The following ZC3H12B variants were observed in gnomAD, a reference collection of about 807,000 sequenced individuals.
ZC3H12B encodes the protein zinc finger CCCH-type containing 12B.
In ZC3H12B, 7 loss-of-function variants were observed where a neutral mutation model predicts 43.9. That is an observed-to-expected ratio of 0.16 (90% confidence interval 0.09 to 0.30). ZC3H12B has a LOEUF of 0.30. Ranked by LOEUF, ZC3H12B falls within the 10% of genes least tolerant of loss-of-function variation. ZC3H12B has a pLI of 1.00. For synonymous variants in ZC3H12B, 222 were observed against 241.7 expected (o/e 0.92, Z 0.76); for missense variants, 475 against 670.2 (o/e 0.71, Z 3.22).
chrX:65,053,757 C>T, the ZC3H12B span, among the ~76,000 whole-genome samples: 1 of 111,433 alleles, frequency 9.0e-6, no homozygotes, highest in Non-Finnish European at 1.9e-5. Flanking sequence ...CTCCACATCC[C>T]CTCCAGCACC....
upstream of ZC3H12B, among the ~76,000 whole-genome samples, chrX:65,487,539 T>TAA (rs200155661): frequency 1.9e-5 from 2 of 106,058 alleles, no homozygotes; most frequent in African/African-American, 7.7e-5. Context: ...GACTCTGTCT[T>TAA]AAAAAAACAA....
At chrX:65,468,537 G>A (rs1256662484) in intron 3 of ZC3H12B, among the ~76,000 whole-genome samples, 1 of 100,463 alleles carries the variant, frequency 1.0e-5, no homozygotes, top group African/African-American at 3.7e-5. Flanking sequence ...AGGCTGGAGT[G>A]CAGTGGCACC....
intron 3 of ZC3H12B, among the ~76,000 whole-genome samples, chrX:65,416,682 C>A (rs1037118204): frequency 2.8e-5 from 3 of 106,719 alleles, no homozygotes; most frequent in Non-Finnish European, 3.9e-5. Flanking sequence ...TCCAGCTACT[C>A]GGGAGGCTGA....
chrX:65,212,454 A>G, the ZC3H12B span, among the ~76,000 whole-genome samples: 1 of 59,111 alleles, frequency 1.7e-5, no homozygotes, highest in Non-Finnish European at 2.5e-5. Context: ...TATATATTAT[A>G]TAATATGTAA....
At chrX:65,058,870 C>T in the ZC3H12B span, among the ~76,000 whole-genome samples, 139 of 112,287 alleles carry the variant, frequency 1.2e-3, 1 homozygote, top group Middle Eastern at 9.3e-3. Flanking sequence ...TGTGACCCTC[C>T]GAGCCAGGCG....
intron 2 of ZC3H12B, among the ~76,000 whole-genome samples, chrX:65,397,069 T>G (rs1305144996): frequency 9.0e-6 from 1 of 111,724 alleles, no homozygotes; most frequent in Admixed American, 9.5e-5. Context: ...TATTCCTCCA[T>G]TCCTTTATTT....
intron 3 of ZC3H12B, among the ~76,000 whole-genome samples, chrX:65,462,551 A>T (rs963951013): frequency 1.8e-5 from 2 of 112,148 alleles, no homozygotes; most frequent in African/African-American, 6.5e-5. Flanking sequence ...AATCAGATAC[A>T]TTAAAAGTAA....
chrX:65,295,408 G>A, the ZC3H12B span, among the ~76,000 whole-genome samples: 5 of 111,403 alleles, frequency 4.5e-5, no homozygotes, highest in Admixed American at 4.8e-4. Flanking sequence ...AGGAAAAGCA[G>A]TGCTAAGAGG....
At chrX:65,085,062 A>G in the ZC3H12B span, among the ~76,000 whole-genome samples, 11 of 111,890 alleles carry the variant, frequency 9.8e-5, no homozygotes, top group East Asian at 5.6e-4. Flanking sequence ...AATTGAATCA[A>G]TTGAACTCAT....
chrX:65,342,179 C>T, the ZC3H12B span, among the ~76,000 whole-genome samples: 3 of 111,893 alleles, frequency 2.7e-5, no homozygotes, highest in African/African-American at 9.7e-5. Flanking sequence ...AAGGGCATTA[C>T]ATGATGGTAA....
the ZC3H12B span, among the ~76,000 whole-genome samples, chrX:65,154,162 A>G: frequency 9.0e-6 from 1 of 111,566 alleles, no homozygotes; most frequent in African/African-American, 3.3e-5. Flanking sequence ...GCACACCAAC[A>G]TGTCACATGT....
At chrX:65,243,774 G>A in the ZC3H12B span, among the ~76,000 whole-genome samples, 1 of 111,154 alleles carries the variant, frequency 9.0e-6, no homozygotes, top group Non-Finnish European at 1.9e-5. Context: ...ATACACAATG[G>A]AATATTATTC....
chrX:65,292,196 G>A, the ZC3H12B span, among the ~76,000 whole-genome samples: 1 of 111,815 alleles, frequency 8.9e-6, no homozygotes, highest in Admixed American at 9.5e-5. Flanking sequence ...TGGACTACTA[G>A]TCACAACAGA....
chrX:65,499,650 G>T (rs1289706140), intron 3 of ZC3H12B, among the ~76,000 whole-genome samples: 2 of 111,311 alleles, frequency 1.8e-5, no homozygotes, highest in Admixed American at 9.6e-5. Context: ...TGCCAGTACG[G>T]CTCAAACATG....
At chrX:65,371,920 C>G (rs988638252) in intron 2 of ZC3H12B, among the ~76,000 whole-genome samples, 8 of 111,326 alleles carry the variant, frequency 7.2e-5, no homozygotes, top group Non-Finnish European at 1.1e-4. Flanking sequence ...CCTCACACTT[C>G]TTTCACTAAC....
the ZC3H12B span, among the ~76,000 whole-genome samples, chrX:65,170,699 A>T: frequency 9.0e-6 from 1 of 111,683 alleles, no homozygotes; most frequent in South Asian, 3.8e-4. Flanking sequence ...GTCTTTTCAC[A>T]TAGTCCCATA....
chrX:65,382,186 T>C (rs1202947009), intron 2 of ZC3H12B, among the ~76,000 whole-genome samples: 1 of 110,588 alleles, frequency 9.0e-6, no homozygotes, highest in African/African-American at 3.3e-5. Flanking sequence ...TGATGAACAT[T>C]GATGCAAAAA....
At chrX:65,057,910 T>C in the ZC3H12B span, among the ~76,000 whole-genome samples, 1 of 112,409 alleles carries the variant, frequency 8.9e-6, no homozygotes, top group Non-Finnish European at 1.9e-5. Context: ...TTCCTAGCTG[T>C]CGTGCCATGG....
At chrX:65,169,858 T>C in the ZC3H12B span, among the ~76,000 whole-genome samples, 1 of 111,767 alleles carries the variant, frequency 8.9e-6, no homozygotes, top group South Asian at 3.7e-4. Flanking sequence ...CATTGCAATC[T>C]CTGCTTTTTT....
Sources: allele counts gnomAD v4.1 joint callset (sites outside exome capture counted in the v4.1 genomes callset), GRCh38; gene constraint gnomAD v4.1.1; transcripts MANE v1.5; gene names NCBI Gene and HGNC (gene_info 2026-07-23, HGNC 2026-07-21).